Variants in METTL15 observed in about 807,000 individuals in gnomAD.
METTL15 encodes the protein 12S rRNA N(4)-cytidine methyltransferase METTL15.
In METTL15, 34 loss-of-function variants were observed where a neutral mutation model predicts 38.3. The ratio of observed to expected loss-of-function variants is 0.89; its 90% confidence interval spans 0.68 to 1.18. METTL15 has a LOEUF of 1.18. Among genes scored for constraint, METTL15 ranks in the 50% most tolerant of loss-of-function variants. The pLI is 0.00. For missense variants in METTL15, 438 were observed against 498.4 expected, an observed-to-expected ratio of 0.88 and a Z score of 1.15; for synonymous variants, 162 against 170.9, an observed-to-expected ratio of 0.95 and a Z score of 0.41.
At chr11:28,157,595 T>G (rs1172067246) in intron 3 of METTL15, among the ~76,000 whole-genome samples, 1 of 152,172 alleles carries the variant, frequency 6.6e-6, no homozygotes, top group Non-Finnish European at 1.5e-5. Flanking sequence ...GTCATCACCA[T>G]GTGACCTGAA....
At chr11:28,374,616 G>A (rs1198989650) in intron 5 of METTL15, among the ~76,000 whole-genome samples, 3 of 141,004 alleles carry the variant, frequency 2.1e-5, no homozygotes, top group African/African-American at 5.1e-5. Context: ...TGCAAACAGG[G>A]ACAATTTGAC....
intron 4 of METTL15, among the ~76,000 whole-genome samples, chr11:28,218,486 C>T (rs1050951484): frequency 1.3e-5 from 2 of 152,126 alleles, no homozygotes; most frequent in African/African-American, 4.8e-5. Flanking sequence ...TCTAGATATA[C>T]AATCATGTCA....
intron 4 of METTL15, among the ~76,000 whole-genome samples, chr11:28,353,221 G>A (rs1024642060): frequency 2.6e-5 from 4 of 152,160 alleles, no homozygotes; most frequent in Non-Finnish European, 5.9e-5. Flanking sequence ...GGGCTTGGCA[G>A]ATAGCAAAAG....
intron 5 of METTL15, among the ~76,000 whole-genome samples, chr11:28,403,187 G>T (rs78578011): frequency 3.1e-3 from 473 of 152,080 alleles, no homozygotes; most frequent in Non-Finnish European, 4.8e-3. Flanking sequence ...TTCTCCAGTG[G>T]ACACTAGCTT....
intron 3 of METTL15, among the ~76,000 whole-genome samples, chr11:28,161,579 A>G (rs983365845): frequency 6.6e-6 from 1 of 152,196 alleles, no homozygotes; most frequent in Non-Finnish European, 1.5e-5. Flanking sequence ...AAGGAAAACT[A>G]TGAGAAGACA....
intron 5 of METTL15, among the ~76,000 whole-genome samples, chr11:28,419,559 A>G (rs112155710): frequency 0.018 from 2,681 of 152,302 alleles, 50 homozygotes; most frequent in African/African-American, 0.051. Context: ...AAACAAGTCC[A>G]GACTGTGAAG....
At chr11:28,328,041 A>T in intron 6 of METTL15, 1 of 1,562,362 alleles carries the variant, frequency 6.4e-7, no homozygotes, top group Non-Finnish European at 8.7e-7. Context: ...TATGTGCTCC[A>T]TGAATGTTTA....
intron 4 of METTL15, among the ~76,000 whole-genome samples, chr11:28,217,943 G>A (rs1852979355): frequency 6.6e-6 from 1 of 152,136 alleles, no homozygotes; most frequent in Admixed American, 6.5e-5. Flanking sequence ...CCAGTACCAT[G>A]CTGTTTTGGT....
intron 4 of METTL15, among the ~76,000 whole-genome samples, chr11:28,215,545 A>G (rs185123457): frequency 3.3e-5 from 5 of 152,174 alleles, no homozygotes; most frequent in Admixed American, 3.3e-4. Flanking sequence ...CTGAGCCCCA[A>G]CAGTACCTAG....
intron 3 of METTL15, among the ~76,000 whole-genome samples, chr11:28,157,706 G>A (rs1427214692): frequency 6.6e-6 from 1 of 152,034 alleles, no homozygotes; most frequent in Non-Finnish European, 1.5e-5. Context: ...CTACGTGATC[G>A]GGCTCGAGCA....
chr11:28,263,397 A>G (rs1855287995), intron 4 of METTL15, among the ~76,000 whole-genome samples: 1 of 152,120 alleles, frequency 6.6e-6, no homozygotes, highest in South Asian at 2.1e-4. Flanking sequence ...TTTGTAGTCA[A>G]GGTGATAAAG....
At chr11:28,353,448 C>T (rs1850059468) in intron 4 of METTL15, among the ~76,000 whole-genome samples, 1 of 152,148 alleles carries the variant, frequency 6.6e-6, no homozygotes, top group Admixed American at 6.5e-5. Flanking sequence ...ATTTACTTAG[C>T]TCTAACAGAG....
intron 6 of METTL15, among the ~76,000 whole-genome samples, chr11:28,436,191 G>A (rs1444622844): frequency 1.3e-5 from 2 of 152,118 alleles, no homozygotes; most frequent in South Asian, 2.1e-4. Context: ...GAAATGGATC[G>A]CCATTTCTCC....
chr11:28,195,972 T>G (rs1308182091), intron 3 of METTL15, among the ~76,000 whole-genome samples: 1 of 152,080 alleles, frequency 6.6e-6, no homozygotes, highest in Non-Finnish European at 1.5e-5. Flanking sequence ...TTCCCCAGTT[T>G]ACATTTTTGT....
At chr11:28,291,194 G>A (rs1214951380) in intron 5 of METTL15, among the ~76,000 whole-genome samples, 1 of 151,696 alleles carries the variant, frequency 6.6e-6, no homozygotes, top group African/African-American at 2.4e-5. Context: ...TTGCAGACGT[G>A]TACCAGCATG....
At chr11:28,252,618 C>T (rs760814171) in intron 4 of METTL15, among the ~76,000 whole-genome samples, 6 of 152,052 alleles carry the variant, frequency 3.9e-5, no homozygotes, top group Non-Finnish European at 8.8e-5. Flanking sequence ...TTTTTCCTTT[C>T]TAGTGAACTT....
chr11:28,248,564 A>G (rs748075306), intron 4 of METTL15, among the ~76,000 whole-genome samples: 2 of 152,064 alleles, frequency 1.3e-5, no homozygotes, highest in Non-Finnish European at 2.9e-5. Flanking sequence ...CCTTGTAAGT[A>G]AAAATATAAC....
At chr11:28,380,097 A>G (rs1850365292) in intron 5 of METTL15, among the ~76,000 whole-genome samples, 2 of 151,008 alleles carry the variant, frequency 1.3e-5, no homozygotes, top group African/African-American at 4.9e-5. Flanking sequence ...GTGTATCTTT[A>G]TAAGTGAAAT....
At chr11:28,151,344 C>T (rs1020033088) in intron 3 of METTL15, among the ~76,000 whole-genome samples, 3 of 151,860 alleles carry the variant, frequency 2.0e-5, no homozygotes, top group African/African-American at 7.3e-5. Context: ...TGGCCACTTA[C>T]TTTCAATATA....
Sources: gnomAD v4.1 joint callset for allele counts (sites outside exome capture counted in the v4.1 genomes callset) on GRCh38, gnomAD v4.1.1 for gene constraint, MANE v1.5 for transcripts, NCBI Gene and HGNC (gene_info 2026-07-23, HGNC 2026-07-21) for gene names.